The following DRC4 variants were observed in gnomAD, a reference collection of about 807,000 sequenced individuals.
The protein encoded by DRC4 is GAS-11.
chr16:90,027,677 C>T, the DRC4 span: 5 of 1,614,150 alleles, frequency 3.1e-6, no homozygotes, highest in Non-Finnish European at 4.2e-6. Flanking sequence ...CCAAAGGCAC[C>T]CCGATTGTCG....
the DRC4 span, chr16:90,037,936 T>A: frequency 1.6e-6 from 2 of 1,234,680 alleles, no homozygotes; most frequent in Non-Finnish European, 2.4e-6. Context: ...GGCACTAGGC[T>A]GGCCCTGCAG....
the DRC4 span, chr16:90,040,274 G>A: frequency 2.9e-5 from 45 of 1,553,144 alleles, no homozygotes; most frequent in Non-Finnish European, 3.7e-5. Context: ...GGGCCTCATC[G>A]CCCACCCCCA....
chr16:90,031,208 T>G, the DRC4 span: 1 of 1,582,942 alleles, frequency 6.3e-7, no homozygotes, highest in African/African-American at 1.3e-5. Flanking sequence ...GAGTCCTCCC[T>G]CTTTCTTCCT....
chr16:90,027,037 CG>C, the DRC4 span, among the ~76,000 whole-genome samples: 1 of 151,788 alleles, frequency 6.6e-6, no homozygotes, highest in South Asian at 2.1e-4. Context: ...CTCAGCCTCC[CG>C]AGTAACTGGG....
At chr16:90,032,631 G>C in the DRC4 span, 4 of 1,218,908 alleles carry the variant, frequency 3.3e-6, no homozygotes, top group African/African-American at 6.0e-5. Flanking sequence ...TGGTACAGGT[G>C]TGCTATGGGT....
chr16:90,027,629 A>C, the DRC4 span: 2 of 1,613,846 alleles, frequency 1.2e-6, no homozygotes, highest in Non-Finnish European at 1.7e-6. Flanking sequence ...CATTATTTCC[A>C]CCAAAGGCAC....
At chr16:90,019,729 TGGC>T in the DRC4 span, 3 of 654,458 alleles carry the variant, frequency 4.6e-6, no homozygotes, top group African/African-American at 1.9e-5. The surrounding 1 kb of genome is among the most constrained non-coding windows in gnomAD (Gnocchi z 6.1). Flanking sequence ...CGCACTCACT[TGGC>T]GGCCGCGCCC....
chr16:90,025,870 CAAAAA>C, the DRC4 span, among the ~76,000 whole-genome samples: 2 of 84,706 alleles, frequency 2.4e-5, no homozygotes, highest in Non-Finnish European at 2.7e-5. Flanking sequence ...GACTCCATCT[CAAAAA>C]AAAAAAAAAA....
At chr16:90,031,952 G>A in the DRC4 span, among the ~76,000 whole-genome samples, 2,736 of 152,054 alleles carry the variant, frequency 0.018, 80 homozygotes, top group African/African-American at 0.063. Context: ...TGAGGTGTGG[G>A]GAGGTGAGCA....
the DRC4 span, chr16:90,028,819 T>C: frequency 2.8e-6 from 2 of 725,388 alleles, no homozygotes; most frequent in Non-Finnish European, 3.9e-6. Context: ...TCTTACCTTC[T>C]TTTGATAGTT....
the DRC4 span, among the ~76,000 whole-genome samples, chr16:90,020,442 G>A: frequency 1.9e-4 from 29 of 152,346 alleles, no homozygotes; most frequent in African/African-American, 7.0e-4. Flanking sequence ...GTGGCAGGAA[G>A]CATCAGACAT....
At chr16:90,043,346 CT>C in the DRC4 span, 1 of 1,579,124 alleles carries the variant, frequency 6.3e-7, no homozygotes, top group Non-Finnish European at 8.5e-7. Flanking sequence ...CCCGACGTAG[CT>C]GCCCCCCTGG....
the DRC4 span, among the ~76,000 whole-genome samples, chr16:90,024,808 AAAAAAC>A: frequency 1.3e-4 from 20 of 152,122 alleles, no homozygotes; most frequent in African/African-American, 3.4e-4. Context: ...TCCATCTCAA[AAAAAAC>A]AAAAACAAAA....
At chr16:90,032,302 T>C in the DRC4 span, among the ~76,000 whole-genome samples, 3 of 147,750 alleles carry the variant, frequency 2.0e-5, no homozygotes, top group South Asian at 6.5e-4. Flanking sequence ...TGAGGAGGTG[T>C]GGTACAGGTG....
At chr16:90,040,931 C>G in the DRC4 span, among the ~76,000 whole-genome samples, 3 of 152,094 alleles carry the variant, frequency 2.0e-5, no homozygotes, top group Non-Finnish European at 2.9e-5. Context: ...GCCTGGCTCT[C>G]AGGGCCTGAG....
the DRC4 span, chr16:90,037,795 G>A: frequency 6.2e-7 from 1 of 1,614,214 alleles, no homozygotes; most frequent in Non-Finnish European, 8.5e-7. Context: ...CAGGGAGAAA[G>A]AGCTGAAAGA....
the DRC4 span, chr16:90,035,578 A>G: frequency 6.2e-7 from 1 of 1,611,832 alleles, no homozygotes; most frequent in South Asian, 1.1e-5. Flanking sequence ...GCCTGAAGGG[A>G]GCGGGCTTCC....
the DRC4 span, chr16:90,037,307 C>T: frequency 2.9e-5 from 46 of 1,613,968 alleles, no homozygotes; most frequent in Admixed American, 6.5e-4. Flanking sequence ...GCAGAACAAG[C>T]GCCTGGCAGA....
chr16:90,040,035 C>T, the DRC4 span: 1 of 509,782 alleles, frequency 2.0e-6, no homozygotes, highest in Non-Finnish European at 3.6e-6. Context: ...CAGCTCTTAC[C>T]AGGACACTTA....
Sources: allele counts gnomAD v4.1 joint callset (sites outside exome capture counted in the v4.1 genomes callset), GRCh38; gene constraint gnomAD v4.1.1; non-coding constraint Gnocchi (gnomAD v3.1); transcripts MANE v1.5; gene names NCBI Gene and HGNC (gene_info 2026-07-23, HGNC 2026-07-21).